The following AUTS2 variants were observed in gnomAD, a reference collection of about 807,000 sequenced individuals.
AUTS2 encodes the protein autism susceptibility gene 2 protein.
In AUTS2, 17 loss-of-function variants were observed where a neutral mutation model predicts 112.4. The ratio of observed to expected loss-of-function variants is 0.15; its 90% confidence interval spans 0.10 to 0.23. AUTS2 has a LOEUF of 0.23. AUTS2 is among the 10% of genes least tolerant of loss of function. The pLI is 1.00. For synonymous variants in AUTS2, 751 were observed against 702.7 expected (o/e 1.07, Z -1.09); for missense variants, 1,510 against 1,701.6 (o/e 0.89, Z 1.98).
At chr7:69,898,611 A>G (rs1231345760) in intron 1 of AUTS2, among the ~76,000 whole-genome samples, 2 of 152,168 alleles carry the variant, frequency 1.3e-5, no homozygotes, top group South Asian at 4.1e-4. Flanking sequence ...GCAGTTCCCC[A>G]TTCAAGGACA....
intron 1 of AUTS2, among the ~76,000 whole-genome samples, chr7:69,741,480 G>C (rs140226608): frequency 6.6e-6 from 1 of 152,160 alleles, no homozygotes; most frequent in Non-Finnish European, 1.5e-5. Flanking sequence ...CAAGTTGGGC[G>C]GATTGCTTGA....
At chr7:70,630,700 T>C (rs1034054314) in intron 5 of AUTS2, among the ~76,000 whole-genome samples, 3 of 152,218 alleles carry the variant, frequency 2.0e-5, no homozygotes, top group Non-Finnish European at 2.9e-5. Context: ...CTAGCTGAGC[T>C]GAAGCCCGAG....
chr7:70,571,445 G>A (rs1157547215), intron 5 of AUTS2, among the ~76,000 whole-genome samples: 1 of 152,212 alleles, frequency 6.6e-6, no homozygotes, highest in Non-Finnish European at 1.5e-5. Context: ...TCTGTGAAAT[G>A]TATTTTCATT....
At chr7:70,220,741 C>A (rs1811433808) in intron 4 of AUTS2, among the ~76,000 whole-genome samples, 1 of 152,150 alleles carries the variant, frequency 6.6e-6, no homozygotes, top group Non-Finnish European at 1.5e-5. Flanking sequence ...GAAGGGGGAA[C>A]TGAGGATGGC....
At chr7:69,707,085 A>G (rs1274969356) in intron 1 of AUTS2, among the ~76,000 whole-genome samples, 1 of 152,154 alleles carries the variant, frequency 6.6e-6, no homozygotes, top group Admixed American at 6.5e-5. Flanking sequence ...TTAACTTGAG[A>G]CCTGTTTCAC....
At chr7:70,769,056 T>A (rs1182677432) in intron 10 of AUTS2, among the ~76,000 whole-genome samples, 2 of 152,124 alleles carry the variant, frequency 1.3e-5, no homozygotes, top group Non-Finnish European at 2.9e-5. Context: ...ACCAGATAAT[T>A]AGATACCATG....
chr7:70,058,012 G>A (rs1006848136), intron 2 of AUTS2, among the ~76,000 whole-genome samples: 1 of 152,172 alleles, frequency 6.6e-6, no homozygotes, highest in African/African-American at 2.4e-5. Flanking sequence ...ACAGGACATT[G>A]AAAAGACAGT....
chr7:70,537,350 T>C (rs1190737926), intron 5 of AUTS2, among the ~76,000 whole-genome samples: 1 of 152,244 alleles, frequency 6.6e-6, no homozygotes, highest in Non-Finnish European at 1.5e-5. Flanking sequence ...ATCAAAATTT[T>C]AGTCTTTCAG....
At chr7:69,701,923 C>T (rs1797832223) in intron 1 of AUTS2, among the ~76,000 whole-genome samples, 1 of 152,128 alleles carries the variant, frequency 6.6e-6, no homozygotes, top group Non-Finnish European at 1.5e-5. Flanking sequence ...ATAACCCGTA[C>T]TAGCAAGAAA....
chr7:69,788,046 C>A (rs909456496), intron 1 of AUTS2, among the ~76,000 whole-genome samples: 3 of 152,178 alleles, frequency 2.0e-5, no homozygotes, highest in African/African-American at 7.2e-5. Context: ...TAGACTTTTT[C>A]TTTTACAGAA....
At chr7:70,543,810 A>G (rs1800655803) in intron 5 of AUTS2, among the ~76,000 whole-genome samples, 1 of 152,198 alleles carries the variant, frequency 6.6e-6, no homozygotes, top group Non-Finnish European at 1.5e-5. Flanking sequence ...CAGGTATGGG[A>G]GTGCTGTAGT....
intron 4 of AUTS2, among the ~76,000 whole-genome samples, chr7:70,419,367 G>C (rs1444718113): frequency 7.2e-6 from 1 of 139,768 alleles, no homozygotes; most frequent in Non-Finnish European, 1.5e-5. Flanking sequence ...CTCTTGACAA[G>C]TTGCTTCATG....
At chr7:69,668,474 C>T (rs1180782058) in intron 1 of AUTS2, among the ~76,000 whole-genome samples, 2 of 152,178 alleles carry the variant, frequency 1.3e-5, no homozygotes, top group Non-Finnish European at 2.9e-5. Flanking sequence ...ACTACCCATC[C>T]ACTATTACTT....
At chr7:69,786,607 C>T (rs1236809229) in intron 1 of AUTS2, among the ~76,000 whole-genome samples, 1 of 152,174 alleles carries the variant, frequency 6.6e-6, no homozygotes, top group Non-Finnish European at 1.5e-5. Flanking sequence ...AGAGCTGTAA[C>T]ACTCACCACG....
chr7:69,914,697 G>C (rs1331292212), intron 2 of AUTS2, among the ~76,000 whole-genome samples: 2 of 151,528 alleles, frequency 1.3e-5, no homozygotes, highest in Non-Finnish European at 2.9e-5. Flanking sequence ...CAAGCAGAAA[G>C]ACGGAGAGGA....
chr7:70,094,125 C>T (rs1488776899), intron 2 of AUTS2, among the ~76,000 whole-genome samples: 2 of 152,182 alleles, frequency 1.3e-5, no homozygotes, highest in Non-Finnish European at 2.9e-5. Context: ...CCCATTTTCC[C>T]TATAATAACC....
chr7:69,966,508 T>C (rs1449449954), intron 2 of AUTS2, among the ~76,000 whole-genome samples: 4 of 152,208 alleles, frequency 2.6e-5, no homozygotes, highest in African/African-American at 9.6e-5. Flanking sequence ...TCTCTCTCTT[T>C]ACAGGTGGGG....
intron 5 of AUTS2, among the ~76,000 whole-genome samples, chr7:70,532,231 C>T (rs576753872): frequency 6.6e-6 from 1 of 152,142 alleles, no homozygotes; most frequent in Non-Finnish European, 1.5e-5. Flanking sequence ...CAATGCAAGT[C>T]ACAAAACTGG....
intron 5 of AUTS2, among the ~76,000 whole-genome samples, chr7:70,682,333 T>G (rs1808251661): frequency 6.6e-6 from 1 of 152,232 alleles, no homozygotes; most frequent in Admixed American, 6.5e-5. Flanking sequence ...ACTTTTTAGT[T>G]GTACAAACAT....
Sources: allele counts gnomAD v4.1 joint callset (sites outside exome capture counted in the v4.1 genomes callset), GRCh38; gene constraint gnomAD v4.1.1; transcripts MANE v1.5; gene names NCBI Gene and HGNC (gene_info 2026-07-23, HGNC 2026-07-21).